Variants in CALN1 observed in about 807,000 individuals in gnomAD.
CALN1 encodes the protein calcium-binding protein 8.
Under a neutral mutation model 30.6 loss-of-function variants are expected in CALN1, and 17 were observed. The observed-to-expected ratio is 0.56, with a 90% CI of 0.38 to 0.83. The LOEUF is 0.83. Among genes scored for constraint, CALN1 ranks in the 40% least tolerant of loss-of-function variants. The pLI, the probability that CALN1 is intolerant of heterozygous loss-of-function variation, is 0.00. For synonymous variants in CALN1, 156 were observed against 131.4 expected, an observed-to-expected ratio of 1.19 and a Z score of -1.28; for missense variants, 291 against 354.9, an observed-to-expected ratio of 0.82 and a Z score of 1.45.
intron 3 of CALN1, among the ~76,000 whole-genome samples, chr7:72,234,672 C>T (rs1307741119): frequency 1.3e-5 from 2 of 152,154 alleles, no homozygotes; most frequent in East Asian, 3.9e-4. Context: ...TCTCGAACTC[C>T]TGACTGCAAG....
chr7:72,282,241 A>T (rs777909442), intron 2 of CALN1, among the ~76,000 whole-genome samples: 1 of 152,228 alleles, frequency 6.6e-6, no homozygotes, highest in Non-Finnish European at 1.5e-5. Context: ...CTGAAACTAA[A>T]ACTTGAAGAT....
At position 72,044,599 on chromosome 7, in the gene CALN1, CTTTTTTTT is replaced by C. The variant is rs549079139; in HGVS notation, c.389-20838_389-20831del. Reference sequence around the variant, plus strand: ...TTCAGAGAATAATTTCCGCTTAAAACTTTTTTTTTTTTTTTTTTTTTTTTTTTTTTGAG... The same window carrying C: ...TTCAGAGAATAATTTCCGCTTAAAACTTTTTTTTTTTTTTTTTTTTTTGAG... On this transcript the variant is annotated intron_variant, in intron 4 of 6. Coordinates refer to ENST00000395275, the MANE Select transcript of CALN1 (RefSeq NM_031468.4). Among the ~76,000 whole-genome samples, 91 of 96,674 alleles carry C rather than the reference CTTTTTTTT, an allele frequency of 9.4e-4. No homozygotes were observed. In the East Asian group the frequency reaches 1.0e-2, roughly 11 times the overall value. 63.4% of individuals were successfully genotyped at this position (96,674 alleles called of 152,430 possible). A position where few individuals can be genotyped will look rare whatever the true frequency, so the allele number is the denominator to read the frequency against.
chr7:72,409,647 A>G (rs908855801), intron 1 of CALN1, among the ~76,000 whole-genome samples: 1 of 151,996 alleles, frequency 6.6e-6, no homozygotes, highest in African/African-American at 2.4e-5. Context: ...AGCAAGATTG[A>G]GCTGAAAATC....
At chr7:71,819,072 C>T (rs1252820261) in intron 5 of CALN1, among the ~76,000 whole-genome samples, 4 of 152,104 alleles carry the variant, frequency 2.6e-5, no homozygotes, top group Admixed American at 6.5e-5. Context: ...CCAGGCTGGT[C>T]GCAAACTCCC....
intron 2 of CALN1, among the ~76,000 whole-genome samples, chr7:72,327,437 T>C (rs917815587): frequency 3.9e-5 from 6 of 152,234 alleles, no homozygotes; most frequent in African/African-American, 1.4e-4. Flanking sequence ...TGCAGTGAGC[T>C]GAGATCACGG....
At chr7:72,064,295 ATAAT>A (rs1423046650) in intron 4 of CALN1, among the ~76,000 whole-genome samples, 2 of 142,994 alleles carry the variant, frequency 1.4e-5, no homozygotes, top group Admixed American at 1.4e-4. Context: ...AAAAAAAAAA[ATAAT>A]TAATTAAAAA....
In CALN1 at chr7:72,338,525, G is replaced by GTGTGTGTGTGTGTGTGTGTGTGTCTGTC; in HGVS notation, c.120-59716_120-59715insGACAGACACACACACACACACACACACA. ...TGTGTGTGTGTGTGTGTGTGTGTGT[G>GTGTGTGTGTGTGTGTGTGTGTGTCTGTC]TGTCTCACCTGGGTGTGGTTTCAGA... On this transcript the variant is annotated intron_variant, in intron 2 of 6. Transcript: ENST00000395275. Among the ~76,000 whole-genome samples, 561 of 122,278 alleles carry GTGTGTGTGTGTGTGTGTGTGTGTCTGTC rather than the reference G, an allele frequency of 4.6e-3. 54 individuals are homozygous for GTGTGTGTGTGTGTGTGTGTGTGTCTGTC. Among genetic ancestry groups the GTGTGTGTGTGTGTGTGTGTGTGTCTGTC allele is most frequent in the Non-Finnish European group, 5.7e-3 (331 of 57,692 alleles). The allele number at this position is 122,278 out of a possible 152,430, so 80.2% of individuals were successfully genotyped here.
intron 2 of CALN1, among the ~76,000 whole-genome samples, chr7:72,346,173 G>T (rs190112871): frequency 2.6e-5 from 4 of 151,918 alleles, no homozygotes; most frequent in Admixed American, 2.0e-4. Context: ...AATTTTTAAA[G>T]GTCAAATGGT....
intron 3 of CALN1, among the ~76,000 whole-genome samples, chr7:72,272,571 A>C (rs1007766313): frequency 1.4e-4 from 21 of 152,170 alleles, no homozygotes; most frequent in African/African-American, 5.1e-4. Flanking sequence ...CCACGAAAAA[A>C]AAGAAAGAAA....
At chr7:72,294,750 TAATAAATAAATAAATA>T (rs58274123) in intron 2 of CALN1, among the ~76,000 whole-genome samples, 2 of 147,838 alleles carry the variant, frequency 1.4e-5, no homozygotes, top group Admixed American at 6.7e-5. Flanking sequence ...TCTAAAAAAG[TAATAAATAAATAAATA>T]AATAAATAAA....
At chr7:72,413,213 ACT>A (rs1807287973), upstream of CALN1, among the ~76,000 whole-genome samples, 1 of 151,158 alleles carries the variant, frequency 6.6e-6, no homozygotes, top group Admixed American at 6.7e-5. Flanking sequence ...ACACACACAC[ACT>A]CATACACACA....
chr7:72,283,296 G>C (rs774283111), intron 2 of CALN1, among the ~76,000 whole-genome samples: 6 of 152,102 alleles, frequency 3.9e-5, no homozygotes, highest in Non-Finnish European at 7.4e-5. Flanking sequence ...AGGCCAAGGA[G>C]GGAGGATCAC....
chr7:72,311,383 T>C (rs779972589), intron 2 of CALN1, among the ~76,000 whole-genome samples: 3 of 152,212 alleles, frequency 2.0e-5, no homozygotes, highest in Non-Finnish European at 4.4e-5. Context: ...TAGTTAAGTT[T>C]TGGGGGGAGT....
chr7:71,886,202 C>T (rs1178834936), intron 5 of CALN1, among the ~76,000 whole-genome samples: 1 of 152,234 alleles, frequency 6.6e-6, no homozygotes. Context: ...AAAGCCCTTG[C>T]CCCACCGCCG....
chr7:72,320,199 G>C (rs557235376), intron 2 of CALN1, among the ~76,000 whole-genome samples: 19 of 152,288 alleles, frequency 1.2e-4, no homozygotes, highest in African/African-American at 4.6e-4. Context: ...CAAGCAGGCA[G>C]AGAGGGAGGG....
In CALN1 at chr7:71,787,865, C is replaced by T. The variant is rs1793065425; in HGVS notation, c.696G>A (p.Arg232=). Residue 232 remains arginine, a synonymous_variant, in exon 7 of 7, where the codon CGG becomes CGA. Coordinates refer to ENST00000395275, the MANE Select transcript of CALN1 (RefSeq NM_031468.4). ...SQKQNRQTCV[R]KSLICAFAMA... is the part of the protein sequence containing the mutation. ...TAGCAAAGGCGCATATGAGGCTCTTCCGGACGCAGGTCTGTCTGTTCTGCT... is the reference window on the plus strand; with the variant it reads ...TAGCAAAGGCGCATATGAGGCTCTTTCGGACGCAGGTCTGTCTGTTCTGCT... 2 of 1,613,986 alleles carry T rather than the reference C, an allele frequency of 1.2e-6. No individual in the cohort carries two copies. Among genetic ancestry groups the T allele is most frequent in the Non-Finnish European group, 1.7e-6 (2 of 1,180,032 alleles).
chr7:72,440,608 C>G (rs1320982172), intron 1 of CALN1, among the ~76,000 whole-genome samples: 2 of 152,174 alleles, frequency 1.3e-5, no homozygotes, highest in African/African-American at 2.4e-5. Flanking sequence ...AGGCGGATCA[C>G]TTGAGGCCAG....
chr7:72,253,408 A>G (rs1288293944), intron 3 of CALN1, among the ~76,000 whole-genome samples: 2 of 152,200 alleles, frequency 1.3e-5, no homozygotes, highest in Non-Finnish European at 2.9e-5. Flanking sequence ...GGACTGCTAT[A>G]AAGACATACC....
chr7:72,485,125 T>A, the CALN1 span, among the ~76,000 whole-genome samples: 3 of 152,212 alleles, frequency 2.0e-5, no homozygotes, highest in African/African-American at 4.8e-5. Context: ...CATGGTAGTA[T>A]GTGCCTGTAG....
Sources: allele counts gnomAD v4.1 joint callset (sites outside exome capture counted in the v4.1 genomes callset), GRCh38; gene constraint gnomAD v4.1.1; transcripts MANE v1.5; gene names NCBI Gene and HGNC (gene_info 2026-07-23, HGNC 2026-07-21).